The following GLG1 variants were observed in gnomAD, a reference collection of about 807,000 sequenced individuals.
The protein encoded by GLG1 is Golgi apparatus protein 1.
A neutral mutation model predicts 160.5 loss-of-function variants in GLG1; 38 were observed. The ratio of observed to expected loss-of-function variants is 0.24; its 90% CI spans 0.18 to 0.31. The LOEUF (loss-of-function observed/expected upper bound fraction) is 0.31. GLG1 is among the 10% of genes least tolerant of loss of function. The probability of loss-of-function intolerance (pLI) is 1.00; values close to 1 mark genes in which losing one functional copy is unlikely to be tolerated. For synonymous variants in GLG1, 644 were observed against 543.4 expected (o/e 1.19, Z -2.57); for missense variants, 1,373 against 1,505.2 (o/e 0.91, Z 1.45).
chr16:74,474,260 G>A (rs1289142093), intron 13 of GLG1: 5 of 276,992 alleles, frequency 1.8e-5, no homozygotes, highest in African/African-American at 4.3e-5. Context: ...CCGTACAGCT[G>A]CTATCTTAAG....
At chr16:74,504,423 G>C (rs1398026719) in intron 3 of GLG1, among the ~76,000 whole-genome samples, 1 of 152,102 alleles carries the variant, frequency 6.6e-6, no homozygotes, top group Non-Finnish European at 1.5e-5. Context: ...GAGTAGCTAG[G>C]ATTATAGGAG....
chr16:74,503,834 C>A, intron 3 of GLG1, 88 bp from the exon 4 acceptor site: 1 of 861,744 alleles, frequency 1.2e-6, no homozygotes, highest in Non-Finnish European at 1.9e-6. Context: ...CTGAAATTTT[C>A]CTGTTGATTT....
intron 2 of GLG1, among the ~76,000 whole-genome samples, chr16:74,520,479 A>T (rs1398058525): frequency 6.6e-6 from 1 of 152,160 alleles, no homozygotes; most frequent in East Asian, 1.9e-4. Flanking sequence ...TCTACTAAGA[A>T]TACAAAATTA....
chr16:74,475,125 G>A (rs549208668), intron 12 of GLG1, among the ~76,000 whole-genome samples: 3 of 132,862 alleles, frequency 2.3e-5, no homozygotes, highest in Non-Finnish European at 4.6e-5. Context: ...CCACTGCACT[G>A]CAGCCTGGGC....
Position 74,468,998 on chromosome 16 carries a change from T to A in GLG1, c.2384A>T (p.His795Leu). The A allele has an allele frequency of 1.2e-6, 2 of 1,614,026 alleles. No homozygotes were observed. The highest frequency in any genetic ancestry group is 1.7e-6 in the Non-Finnish European group (2 of 1,179,832). ...RNDTLQEAKE[H>L]RVSLKCRRQL... is the part of the protein sequence containing the mutation. Reference sequence around the variant, plus strand: ...CCTGCGGCACTTCAGGGACACCCTGTGCTCCTTGGCTTCCTGCAGAGTGTC... The same window carrying A: ...CCTGCGGCACTTCAGGGACACCCTGAGCTCCTTGGCTTCCTGCAGAGTGTC... Residue 795 changes from histidine (H) to leucine (L), a missense_variant, in exon 17 of 26, where the codon CAC (histidine) becomes CTC (leucine). Around this residue, in one of 4 missense-constraint regions of GLG1, gnomAD observed 491 missense variants for 632.1 expected, o/e 0.78. Coordinates refer to ENST00000422840, the MANE Select transcript of GLG1 (RefSeq NM_001145667.2).
intron 3 of GLG1, among the ~76,000 whole-genome samples, chr16:74,506,338 G>A (rs570447413): frequency 2.3e-4 from 35 of 151,536 alleles, no homozygotes; most frequent in Non-Finnish European, 4.4e-4. Context: ...CGGCACTTTG[G>A]GAGGCCCAGG....
chr16:74,579,531 G>C, intron 1 of GLG1, among the ~76,000 whole-genome samples: 1 of 150,816 alleles, frequency 6.6e-6, no homozygotes, highest in South Asian at 2.1e-4. Flanking sequence ...AGACCAGCCT[G>C]GCCAACATGG....
chr16:74,533,291 G>A (rs1327616008), intron 1 of GLG1, among the ~76,000 whole-genome samples: 1 of 151,874 alleles, frequency 6.6e-6, no homozygotes, highest in Admixed American at 6.6e-5. Flanking sequence ...ACTGCACTCC[G>A]GCCTGGGCCA....
chr16:74,498,466 A>ATATATATATATATATATATATATATATC (rs1567483205), intron 4 of GLG1, among the ~76,000 whole-genome samples: 1 of 86,688 alleles, frequency 1.2e-5, no homozygotes, highest in Non-Finnish European at 2.3e-5. Flanking sequence ...ATATATATAT[A>ATATATATATATATATATATATATATATC]TTATATTTTA....
At position 74,457,946 on chromosome 16, in the gene GLG1, G is replaced by T; in HGVS notation, c.3193C>A (p.Pro1065Thr). 6.2e-7 allele frequency: 1 copy of T among 1,613,546 alleles called. No homozygotes were observed. Among genetic ancestry groups the T allele is most frequent in the Non-Finnish European group, 8.5e-7 (1 of 1,179,512 alleles). The change falls in exon 24 of 26, where the codon CCG becomes ACG. Residue 1065 changes from proline (P) to threonine (T), a missense_variant. Physicochemically the swap from Pro to Thr is conservative, Grantham distance 38. This residue lies in a region of GLG1 where 491 missense variants were observed against 632.1 expected (regional missense o/e 0.78). Coordinates refer to ENST00000422840, the MANE Select transcript of GLG1 (RefSeq NM_001145667.2). ...AGGGCACAAGCAGTATGAAGTACCG[G>T]GTCAACAAAGATGTCTGCTTTGCTT... ...KESKADIFVD[P>T]VLHTACALDI...
intron 16 of GLG1, 100 bp from the exon 17 acceptor site, chr16:74,469,163 C>A: frequency 2.6e-6 from 2 of 761,752 alleles, no homozygotes; most frequent in Non-Finnish European, 4.7e-6. Flanking sequence ...ATTCAAGATG[C>A]CCTTTGGGGG....
intron 1 of GLG1, among the ~76,000 whole-genome samples, chr16:74,601,133 G>A (rs557753697): frequency 6.6e-6 from 1 of 152,160 alleles, no homozygotes; most frequent in South Asian, 2.1e-4. Flanking sequence ...ATTAATTGCT[G>A]TTTGAATTAT....
chr16:74,541,324 C>CAAAA (rs59761629), intron 1 of GLG1, among the ~76,000 whole-genome samples: 3 of 71,928 alleles, frequency 4.2e-5, no homozygotes, highest in South Asian at 5.2e-4. Flanking sequence ...GCTCTGTCTC[C>CAAAA]AAAAAAAAAA....
chr16:74,463,601 G>A (rs2014885781), intron 19 of GLG1, 122 bp from the exon 20 acceptor site: 7 of 926,766 alleles, frequency 7.6e-6, no homozygotes, highest in East Asian at 4.9e-5. Context: ...GTGCAGTGGC[G>A]CAATTCGGCT....
At chr16:74,507,322 A>T (rs1198836405) in intron 3 of GLG1, among the ~76,000 whole-genome samples, 2 of 152,212 alleles carry the variant, frequency 1.3e-5, no homozygotes, top group Admixed American at 1.3e-4. Context: ...GAATATGTAC[A>T]TACTCAACTA....
At chr16:74,525,396 A>T (rs1009974915) in intron 2 of GLG1, among the ~76,000 whole-genome samples, 2 of 152,170 alleles carry the variant, frequency 1.3e-5, no homozygotes, top group African/African-American at 4.8e-5. Flanking sequence ...CTTTTTAAAG[A>T]GACAGGGTCT....
intron 19 of GLG1, chr16:74,463,740 T>TGTC: frequency 2.3e-6 from 1 of 428,102 alleles, no homozygotes; most frequent in Non-Finnish European, 4.2e-6. Flanking sequence ...TTTTTGTTGT[T>TGTC]GTTGTTGTTG....
At position 74,447,719 on chromosome 16, in the gene GLG1, G is replaced by A. The variant is rs1325925658; in HGVS notation, c.*5448C>T. ...GTACAGACTGTTTTCCGGATGGACTGGTTTGGGAACACTGTGCTGGGGGAA... is the reference window on the plus strand; with the variant it reads ...GTACAGACTGTTTTCCGGATGGACTAGTTTGGGAACACTGTGCTGGGGGAA... On this transcript the variant is annotated 3_prime_UTR_variant, in exon 26 of 26. Coordinates refer to ENST00000422840, the MANE Select transcript of GLG1 (RefSeq NM_001145667.2). The A allele has an allele frequency of 1.3e-5, 2 of 152,296 alleles. No homozygotes were observed. The highest frequency in any genetic ancestry group is 3.8e-4 in the East Asian group (2 of 5,200). The allele number at this position is 152,296 out of a possible 1,614,324, so 9.4% of individuals were successfully genotyped here.
chr16:74,486,930 C>CCT (rs976364339), intron 8 of GLG1, among the ~76,000 whole-genome samples: 1 of 151,130 alleles, frequency 6.6e-6, no homozygotes, highest in African/African-American at 2.4e-5. Flanking sequence ...TTTTTCCCCC[C>CCT]CGAGACAGAG....
Sources: gnomAD v4.1 joint callset for allele counts (sites outside exome capture counted in the v4.1 genomes callset) on GRCh38, gnomAD v4.1.1 for gene constraint, gnomAD v4.1.1 regional missense constraint, MANE v1.5 for transcripts, NCBI Gene and HGNC (gene_info 2026-07-23, HGNC 2026-07-21) for gene names.